TRIP13: variants seen among roughly 807,000 people sequenced by gnomAD.
The protein encoded by TRIP13 is pachytene checkpoint protein 2 homolog.
TRIP13 carries 25 observed loss-of-function variants against 54.4 expected under a neutral mutation model. The observed-to-expected ratio is 0.46, with a 90% confidence interval of 0.33 to 0.64. The LOEUF (loss-of-function observed/expected upper bound fraction) is 0.64, where lower values mean the gene tolerates loss of function less well. TRIP13 is among the 30% of genes least tolerant of loss of function. The pLI, the probability that TRIP13 is intolerant of heterozygous loss-of-function variation, is 0.02. For synonymous variants in TRIP13, 207 were observed against 207.8 expected (o/e 1.00, Z 0.03); for missense variants, 373 against 534.2 (o/e 0.70, Z 2.97).
intron 1 of TRIP13, 69 bp from the exon 2 acceptor site, chr5:894,718 A>G: frequency 6.6e-7 from 1 of 1,518,584 alleles, no homozygotes; most frequent in East Asian, 2.3e-5. Context: ...GAGTTTTTCA[A>G]AACACTTCAT....
chr5:909,938 C>A (rs1216912858), intron 9 of TRIP13, among the ~76,000 whole-genome samples: 1 of 152,244 alleles, frequency 6.6e-6, no homozygotes, highest in African/African-American at 2.4e-5. Context: ...CGACAACCTT[C>A]TAGTGTGGGC....
rs1447392806 is a variant in TRIP13, at chr5:913,825, A to C, written c.1021-640A>C. On this transcript the variant is annotated intron_variant, in intron 10 of 12. Coordinates refer to ENST00000166345, the MANE Select transcript of TRIP13 (RefSeq NM_004237.4). This position sits in a 1 kb window ranked among gnomAD's most constrained non-coding sequence, Gnocchi z 4.5. ...ACCTCCAAAATGTTCAGACAATGCT[A>C]TTTTCTTCCTTCTCCTTGTTCCTGA... is the stretch of plus-strand genomic sequence containing the variant. 6.6e-6 allele frequency among the ~76,000 whole-genome samples: 1 copy of C among 152,062 alleles called. No homozygotes were observed. The highest frequency in any genetic ancestry group is 1.5e-5 in the Non-Finnish European group (1 of 68,016).
downstream of TRIP13, chr5:919,331 T>G (rs75407447): frequency 6.6e-6 from 1 of 152,210 alleles, no homozygotes; most frequent in African/African-American, 2.4e-5. Flanking sequence ...TTATATAAAA[T>G]CAATCAATCA....
chr5:907,958 G>A lies in TRIP13; in HGVS notation c.673-30G>A, dbSNP rs758184815. On this transcript the variant is annotated intron_variant, in intron 7 of 12. Transcript: ENST00000166345. This position sits in a 1 kb window ranked among gnomAD's most constrained non-coding sequence, Gnocchi z 4.1. ...GCACCTGGCAGTGTGGTCCCTGCAC[G>A]TTGACACTAAAAGGGTGTTTGGGTT... 15 of 1,612,354 alleles carry A rather than the reference G, an allele frequency of 9.3e-6. No homozygotes were observed. The highest frequency in any genetic ancestry group is 2.2e-5 in the South Asian group (2 of 91,060).
At chr5:896,241 G>A (rs1032394771) in intron 2 of TRIP13, among the ~76,000 whole-genome samples, 1 of 152,208 alleles carries the variant, frequency 6.6e-6, no homozygotes, top group Admixed American at 6.5e-5. Context: ...TTGAGTCCAG[G>A]AATTTAATGT....
rs1404341292 is a variant in TRIP13 at position 911,139 on chromosome 5, A to C, written c.867-704A>C. On this transcript the variant is annotated intron_variant, in intron 9 of 12. Transcript: ENST00000166345. This position sits in a 1 kb window ranked among gnomAD's most constrained non-coding sequence, Gnocchi z 4.7. ...GCTCTCTCTATGGAGTTTAGACGCTAGAGGGGAGAGCAGATCATGAACATG... is the reference window on the plus strand; with the variant it reads ...GCTCTCTCTATGGAGTTTAGACGCTCGAGGGGAGAGCAGATCATGAACATG... Among the ~76,000 whole-genome samples the C allele has an allele frequency of 2.0e-5, 3 of 152,216 alleles. No homozygotes were observed. The highest frequency in any genetic ancestry group is 7.2e-5 in the African/African-American group (3 of 41,466).
At chr5:909,819 T>C (rs1186994848) in intron 9 of TRIP13, among the ~76,000 whole-genome samples, 2 of 152,278 alleles carry the variant, frequency 1.3e-5, no homozygotes, top group African/African-American at 2.4e-5. Flanking sequence ...AGCAGGAGCA[T>C]GTCCTTAAGG....
rs1464600546 is a variant in TRIP13 at position 912,265 on chromosome 5, G to A, written c.1020+269G>A. Among the ~76,000 whole-genome samples, 7 of 151,752 alleles carry A rather than the reference G, an allele frequency of 4.6e-5. No homozygotes were observed. Among genetic ancestry groups the A allele is most frequent in the Admixed American group, 4.6e-4 (7 of 15,214 alleles). On this transcript the variant is annotated intron_variant, in intron 10 of 12. Coordinates refer to ENST00000166345, the MANE Select transcript of TRIP13 (RefSeq NM_004237.4). The surrounding 1 kb of genome is among the most constrained non-coding windows in gnomAD (Gnocchi z 7.2). The stretch of plus-strand genomic sequence containing the variant: ...ACCAGTCAGTGTAGGGGACGTCAGT[G>A]ACCGGCTGTGTTTACCTGGCTGGCT...
At chr5:914,256 T>A (rs1480087644) in intron 10 of TRIP13, among the ~76,000 whole-genome samples, 1 of 152,164 alleles carries the variant, frequency 6.6e-6, no homozygotes, top group Non-Finnish European at 1.5e-5. Flanking sequence ...TTTGTATTTG[T>A]TTGAAAAAGC....
Position 907,294 on chromosome 5 carries a change from G to A in TRIP13, c.672+101G>A, listed in dbSNP as rs1230757245. Reference sequence around the variant, plus strand: ...CTCCAGAAGCTTCAGGAGAGAACTGGGTGGGAAGGGTGTGTGAGGATTGGG... The same window carrying A: ...CTCCAGAAGCTTCAGGAGAGAACTGAGTGGGAAGGGTGTGTGAGGATTGGG... On this transcript the variant is annotated intron_variant, in intron 7 of 12. Transcript: ENST00000166345. This position sits in a 1 kb window ranked among gnomAD's most constrained non-coding sequence, Gnocchi z 4.1. 5 of 1,044,176 alleles carry A rather than the reference G, an allele frequency of 4.8e-6. No homozygotes were observed. The African/African-American group carries it at 8.0e-5, about 17-fold the overall frequency. The allele number at this position is 1,044,176 out of a possible 1,614,324, so 64.7% of individuals were successfully genotyped here.
At chr5:896,221 G>A (rs1450183053) in intron 2 of TRIP13, among the ~76,000 whole-genome samples, 1 of 152,196 alleles carries the variant, frequency 6.6e-6, no homozygotes, top group Non-Finnish European at 1.5e-5. Flanking sequence ...GCTGGAGGTG[G>A]GAGGATCACT....
At position 908,747 on chromosome 5, in the gene TRIP13, A is replaced by T. The variant is rs1754170130; in HGVS notation, c.866+286A>T. 2.0e-5 allele frequency: 18 copies of T among 910,504 alleles called. No homozygotes were observed. The highest frequency in any genetic ancestry group is 2.6e-5 in the Non-Finnish European group (18 of 691,856). 56.4% of individuals were successfully genotyped at this position (910,504 alleles called of 1,614,324 possible). On this transcript the variant is annotated intron_variant, in intron 9 of 12. Transcript: ENST00000166345. The surrounding 1 kb of genome is among the most constrained non-coding windows in gnomAD (Gnocchi z 5.2). ...GCCGAGGCAGGCGGATCACAAGGTCAGTAGATTGAGACCATCCTGGCTGAC... is the reference window on the plus strand; with the variant it reads ...GCCGAGGCAGGCGGATCACAAGGTCTGTAGATTGAGACCATCCTGGCTGAC...
chr5:915,548 C>A lies in TRIP13; in HGVS notation c.1134-356C>A, dbSNP rs1042501283. ...TTCCCTGAGCGCAAGGATGCTGGCC[C>A]TGGGGCAGAGGCTCCCGGGCAGGTG... On this transcript the variant is annotated intron_variant, in intron 11 of 12. Transcript: ENST00000166345. This position sits in a 1 kb window ranked among gnomAD's most constrained non-coding sequence, Gnocchi z 4.2. Among the ~76,000 whole-genome samples the A allele has an allele frequency of 9.3e-5, 14 of 150,500 alleles. No homozygotes were observed. The highest frequency in any genetic ancestry group is 1.8e-4 in the Non-Finnish European group (12 of 67,402).
At position 911,788 on chromosome 5, in the gene TRIP13, AATT is replaced by A; in HGVS notation, c.867-54_867-52del. ...CTCCTTGCCAGATAGGGCAGGATAGAATTGGGTCACCGACAGCCGTGATGACTG... is the reference window on the plus strand; with the variant it reads ...CTCCTTGCCAGATAGGGCAGGATAGAGGGTCACCGACAGCCGTGATGACTG... On this transcript the variant is annotated intron_variant, in intron 9 of 12. Transcript: ENST00000166345. The surrounding 1 kb of genome is among the most constrained non-coding windows in gnomAD (Gnocchi z 4.7). The A allele has an allele frequency of 6.4e-7, 1 of 1,569,100 alleles. No homozygotes were observed.
chr5:904,797 T>C (rs1338417399), intron 6 of TRIP13, among the ~76,000 whole-genome samples: 1 of 152,246 alleles, frequency 6.6e-6, no homozygotes, highest in Non-Finnish European at 1.5e-5. Flanking sequence ...GTGAAGTTGT[T>C]ATGTCTGATA....
chr5:902,761 T>C (rs1169363539), intron 5 of TRIP13, among the ~76,000 whole-genome samples: 1 of 151,978 alleles, frequency 6.6e-6, no homozygotes, highest in Non-Finnish European at 1.5e-5. Flanking sequence ...TGATATATAT[T>C]GGATACAAGA....
intron 9 of TRIP13, among the ~76,000 whole-genome samples, chr5:910,805 C>T (rs903826831): frequency 3.3e-5 from 5 of 152,244 alleles, no homozygotes; most frequent in Non-Finnish European, 4.4e-5. Flanking sequence ...TGCAGCCCCA[C>T]CCTCCTGGTG....
At chr5:904,747 T>G (rs534216553) in intron 6 of TRIP13, among the ~76,000 whole-genome samples, 2 of 152,256 alleles carry the variant, frequency 1.3e-5, no homozygotes, top group Non-Finnish European at 2.9e-5. Context: ...TTAAGTTGAC[T>G]GATTTTCTAC....
At chr5:901,099 G>C (rs1753977330) in intron 4 of TRIP13, among the ~76,000 whole-genome samples, 1 of 152,198 alleles carries the variant, frequency 6.6e-6, no homozygotes, top group Admixed American at 6.5e-5. Flanking sequence ...TTAAATAAAA[G>C]TGATCATTTT....
Sources: allele counts gnomAD v4.1 joint callset (sites outside exome capture counted in the v4.1 genomes callset), GRCh38; gene constraint gnomAD v4.1.1; non-coding constraint Gnocchi (gnomAD v3.1); transcripts MANE v1.5; gene names NCBI Gene and HGNC (gene_info 2026-07-23, HGNC 2026-07-21).